KIAA0513: variants seen among roughly 807,000 people sequenced by gnomAD.
KIAA0513 encodes the protein uncharacterized protein KIAA0513.
KIAA0513 carries 39 observed loss-of-function variants against 56.5 expected under a neutral mutation model. That is an observed-to-expected ratio of 0.69 (90% CI 0.53 to 0.90). The LOEUF (loss-of-function observed/expected upper bound fraction) is 0.90, where lower values mean the gene tolerates loss of function less well. Among genes scored for constraint, KIAA0513 ranks in the 40% least tolerant of loss-of-function variants. The pLI, the probability that KIAA0513 is intolerant of heterozygous loss-of-function variation, is 0.00. For synonymous variants in KIAA0513, 268 were observed against 215.6 expected (o/e 1.24, Z -2.13); for missense variants, 591 against 535.2 (o/e 1.10, Z -1.03).
intron 1 of KIAA0513, among the ~76,000 whole-genome samples, chr16:85,050,435 C>T (rs1376492619): frequency 3.3e-5 from 5 of 151,758 alleles, no homozygotes; most frequent in Non-Finnish European, 7.4e-5. Flanking sequence ...CTGCAACCTC[C>T]ACCTCCCGGG....
rs762209641 is a variant in KIAA0513, at chr16:85,087,118, T to C, written c.1138T>C (p.Cys380Arg). Residue 380 changes from cysteine to arginine, a missense_variant, in exon 12 of 13, where the codon TGC becomes CGC. Cys to Arg is a radical substitution (Grantham distance 180, BLOSUM62 -3). Transcript: ENST00000683363. ...MLAFGLNKKLCNDFLKKQAVI... is the reference protein window; with the variant it reads ...MLAFGLNKKLRNDFLKKQAVI... ...GGCCTTTGGACTGAACAAGAAGCTGTGCAATGACTTCCTGAAGAAGCAGGC... is the reference window on the plus strand; with the variant it reads ...GGCCTTTGGACTGAACAAGAAGCTGCGCAATGACTTCCTGAAGAAGCAGGC... 1.2e-6 allele frequency: 2 copies of C among 1,614,204 alleles called. No individual in the cohort carries two copies. The highest frequency in any genetic ancestry group is 1.1e-5 in the South Asian group (1 of 91,090).
chr16:85,050,918 A>G (rs527473426), intron 1 of KIAA0513, among the ~76,000 whole-genome samples: 12 of 152,250 alleles, frequency 7.9e-5, no homozygotes, highest in African/African-American at 2.9e-4. Flanking sequence ...CACTTCAGGG[A>G]GCCAAGGCGG....
chr16:85,069,104 C>T (rs2073533566), intron 2 of KIAA0513, among the ~76,000 whole-genome samples: 1 of 152,096 alleles, frequency 6.6e-6, no homozygotes, highest in Non-Finnish European at 1.5e-5. Context: ...AATCACAGCT[C>T]ACTGCAGCCT....
chr16:85,089,504 C>T lies in KIAA0513; in HGVS notation c.*1179C>T. 6.5e-6 allele frequency: 1 copy of T among 152,706 alleles called. No homozygotes were observed. Among genetic ancestry groups the T allele is most frequent in the Non-Finnish European group, 1.5e-5 (1 of 68,308 alleles). The allele number at this position is 152,706 out of a possible 1,614,324, so 9.5% of individuals were successfully genotyped here. A position where few individuals can be genotyped will look rare whatever the true frequency, so the allele number is the denominator to read the frequency against. On this transcript the variant is annotated 3_prime_UTR_variant, in exon 13 of 13. Transcript: ENST00000683363. This position sits in a 1 kb window ranked among gnomAD's most constrained non-coding sequence, Gnocchi z 4.2. Reference sequence around the variant, plus strand: ...CCAGGCCAGCCCATGGGCCCGGGGCCTGACCCCAACACCTGCATGCTGGGT... The same window carrying T: ...CCAGGCCAGCCCATGGGCCCGGGGCTTGACCCCAACACCTGCATGCTGGGT...
intron 1 of KIAA0513, among the ~76,000 whole-genome samples, chr16:85,051,203 C>T (rs990825573): frequency 2.6e-5 from 4 of 152,080 alleles, no homozygotes; most frequent in Admixed American, 2.6e-4. Flanking sequence ...TTTGTGAGGT[C>T]GTCTTCGTGG....
intron 1 of KIAA0513, among the ~76,000 whole-genome samples, chr16:85,061,857 C>T (rs886429309): frequency 6.6e-6 from 1 of 152,148 alleles, no homozygotes; most frequent in African/African-American, 2.4e-5. Context: ...GGTTAGGAAA[C>T]CCCCTCCAGA....
intron 1 of KIAA0513, among the ~76,000 whole-genome samples, chr16:85,059,425 C>T (rs1247117635): frequency 6.6e-6 from 1 of 152,182 alleles, no homozygotes; most frequent in African/African-American, 2.4e-5. Context: ...ATTTGGGGTT[C>T]CCCCTGAGCC....
intron 2 of KIAA0513, among the ~76,000 whole-genome samples, chr16:85,070,279 C>T (rs17789174): frequency 0.16 from 24,129 of 152,092 alleles, 2,481 homozygotes; most frequent in South Asian, 0.23. Flanking sequence ...GGCTGACTTC[C>T]GCCTTATTCA....
intron 1 of KIAA0513, among the ~76,000 whole-genome samples, chr16:85,052,822 C>T (rs540997914): frequency 2.6e-5 from 4 of 152,286 alleles, no homozygotes; most frequent in East Asian, 1.9e-4. Context: ...ACTCAGCAAG[C>T]GCGCCCTCAA....
At position 85,081,197 on chromosome 16, in the gene KIAA0513, C is replaced by G; in HGVS notation, c.903-118C>G. 1 of 910,782 alleles carries G rather than the reference C, an allele frequency of 1.1e-6. No individual in the cohort carries two copies. Among genetic ancestry groups the G allele is most frequent in the Non-Finnish European group, 1.8e-6 (1 of 554,278 alleles). The allele number at this position is 910,782 out of a possible 1,614,324, so 56.4% of individuals were successfully genotyped here. A position where few individuals can be genotyped will look rare whatever the true frequency, so the allele number is the denominator to read the frequency against. On this transcript the variant is annotated intron_variant, in intron 8 of 12. Coordinates refer to ENST00000683363, the MANE Select transcript of KIAA0513 (RefSeq NM_001388359.1). This position sits in a 1 kb window ranked among gnomAD's most constrained non-coding sequence, Gnocchi z 4.4. ...CCTTCTCAGCCCTACCTCTCTGAGA[C>G]TTCTTAGAAGCTCAGACAGATGTGA...
chr16:85,085,435 C>A (rs1450469038), intron 10 of KIAA0513, among the ~76,000 whole-genome samples: 2 of 152,232 alleles, frequency 1.3e-5, no homozygotes, highest in Non-Finnish European at 2.9e-5. Context: ...CTCCATGATC[C>A]CAACCTCTCA....
intron 1 of KIAA0513, among the ~76,000 whole-genome samples, chr16:85,045,354 C>G (rs1355856897): frequency 6.6e-6 from 1 of 151,888 alleles, no homozygotes; most frequent in Non-Finnish European, 1.5e-5. Flanking sequence ...AGCAGAGACC[C>G]AATGACCTTG....
At chr16:85,037,434 G>A (rs1410011447) in intron 1 of KIAA0513, among the ~76,000 whole-genome samples, 1 of 152,152 alleles carries the variant, frequency 6.6e-6, no homozygotes, top group Non-Finnish European at 1.5e-5. Context: ...GCCTCATGAG[G>A]GAAGAGAACC....
intron 1 of KIAA0513, among the ~76,000 whole-genome samples, chr16:85,034,005 G>A (rs543074597): frequency 5.2e-4 from 79 of 152,008 alleles, no homozygotes; most frequent in African/African-American, 1.8e-3. Flanking sequence ...GGCCATGCTC[G>A]CCATCCCTCC....
At chr16:85,056,067 A>C (rs2073324422) in intron 1 of KIAA0513, among the ~76,000 whole-genome samples, 2 of 152,224 alleles carry the variant, frequency 1.3e-5, no homozygotes, top group African/African-American at 4.8e-5. Context: ...GGTTCAGCCC[A>C]GACCCCCCTG....
At chr16:85,031,414 G>A (rs1380125727) in intron 1 of KIAA0513, among the ~76,000 whole-genome samples, 1 of 152,188 alleles carries the variant, frequency 6.6e-6, no homozygotes. Context: ...AGCCCCAGAG[G>A]TGGAGGTTGC....
At position 85,092,191 on chromosome 16, in the gene KIAA0513, A is replaced by C. The variant is rs2073876145; in HGVS notation, c.*3866A>C. On this transcript the variant is annotated 3_prime_UTR_variant, in exon 13 of 13. Transcript: ENST00000683363. ...CTCCTGACCTCAGGTGATCCCCCCCACCTCAGCCTCCCAAAGTGCTGGGAT... is the reference window on the plus strand; with the variant it reads ...CTCCTGACCTCAGGTGATCCCCCCCCCCTCAGCCTCCCAAAGTGCTGGGAT... 1 of 151,842 alleles carries C rather than the reference A, an allele frequency of 6.6e-6. No homozygotes were observed. Among genetic ancestry groups the C allele is most frequent in the Non-Finnish European group, 1.5e-5 (1 of 68,018 alleles). The allele number at this position is 151,842 out of a possible 1,614,324, so 9.4% of individuals were successfully genotyped here. A position where few individuals can be genotyped will look rare whatever the true frequency, so the allele number is the denominator to read the frequency against.
At chr16:85,084,595 C>A (rs117469993) in intron 10 of KIAA0513, among the ~76,000 whole-genome samples, 2,340 of 152,168 alleles carry the variant, frequency 0.015, 26 homozygotes, top group East Asian at 0.065. Flanking sequence ...ATGCCTGGCT[C>A]ATTTCGTATT....
chr16:85,049,144 C>T (rs927503287), intron 1 of KIAA0513, among the ~76,000 whole-genome samples: 12 of 152,250 alleles, frequency 7.9e-5, no homozygotes, highest in Non-Finnish European at 1.3e-4. Flanking sequence ...GATTGCAGAG[C>T]GCCTTGGGCC....
Sources: gnomAD v4.1 joint callset for allele counts (sites outside exome capture counted in the v4.1 genomes callset) on GRCh38, gnomAD v4.1.1 for gene constraint, Gnocchi (gnomAD v3.1) non-coding constraint, MANE v1.5 for transcripts, NCBI Gene and HGNC (gene_info 2026-07-23, HGNC 2026-07-21) for gene names.